ELMO1: variants seen among roughly 807,000 people sequenced by gnomAD.
ELMO1 encodes engulfment and cell motility 1.
Under a neutral mutation model 98.9 loss-of-function variants are expected in ELMO1, and 26 were observed. The observed-to-expected ratio is 0.26, with a 90% CI of 0.19 to 0.36. The LOEUF (loss-of-function observed/expected upper bound fraction) is 0.36, where lower values mean the gene tolerates loss of function less well. ELMO1 is among the 10% of genes least tolerant of loss of function. The pLI, the probability that ELMO1 is intolerant of heterozygous loss-of-function variation, is 1.00. For synonymous variants in ELMO1, 346 were observed against 346.0 expected, an observed-to-expected ratio of 1.00 and a Z score of 0.00; for missense variants, 627 against 935.2, an observed-to-expected ratio of 0.67 and a Z score of 4.30.
intron 16 of ELMO1, among the ~76,000 whole-genome samples, chr7:36,967,938 CCCTT>C: frequency 6.6e-6 from 1 of 152,222 alleles, no homozygotes; most frequent in East Asian, 1.9e-4. Context: ...GTTATTATAA[CCCTT>C]CCATTATGTT....
intron 13 of ELMO1, among the ~76,000 whole-genome samples, chr7:37,173,544 T>C (rs1790312955): frequency 6.6e-6 from 1 of 152,268 alleles, no homozygotes; most frequent in Non-Finnish European, 1.5e-5. Context: ...TAGTCCATGC[T>C]GCTGTTTCTG....
intron 13 of ELMO1, among the ~76,000 whole-genome samples, chr7:37,143,171 C>A (rs1363051899): frequency 1.3e-5 from 2 of 152,190 alleles, no homozygotes; most frequent in African/African-American, 4.8e-5. Context: ...AAAACTCCCA[C>A]CGGGTAGATG....
intron 15 of ELMO1, among the ~76,000 whole-genome samples, chr7:37,070,537 T>A (rs562327058): frequency 6.6e-6 from 1 of 152,202 alleles, no homozygotes; most frequent in Non-Finnish European, 1.5e-5. Context: ...TATTTAAGTA[T>A]CAGTCTGGGA....
At chr7:37,261,233 T>G (rs987376941) in intron 5 of ELMO1, among the ~76,000 whole-genome samples, 9 of 152,204 alleles carry the variant, frequency 5.9e-5, no homozygotes, top group Non-Finnish European at 4.4e-5. Context: ...TATCATAGGC[T>G]TTATTTGACA....
chr7:36,993,746 A>G (rs1792016880), intron 16 of ELMO1, among the ~76,000 whole-genome samples: 1 of 152,268 alleles, frequency 6.6e-6, no homozygotes, highest in South Asian at 2.1e-4. Flanking sequence ...TTGGCCCTGA[A>G]GGGCAATAAC....
chr7:36,954,947 T>A (rs1228395732), intron 16 of ELMO1, among the ~76,000 whole-genome samples: 1 of 152,222 alleles, frequency 6.6e-6, no homozygotes, highest in Non-Finnish European at 1.5e-5. Flanking sequence ...TTGAGAAGCA[T>A]TCAGTGAGCC....
intron 1 of ELMO1, among the ~76,000 whole-genome samples, chr7:37,345,497 G>A (rs1470944706): frequency 6.6e-6 from 1 of 152,010 alleles, no homozygotes. Context: ...ATCACTTGAG[G>A]CCAGGAGTTC....
At chr7:37,130,772 TGTG>T (rs1488005193) in intron 14 of ELMO1, among the ~76,000 whole-genome samples, 1 of 152,114 alleles carries the variant, frequency 6.6e-6, no homozygotes, top group African/African-American at 2.4e-5. Flanking sequence ...TGTGTGTGTG[TGTG>T]TTACAATTTT....
intron 15 of ELMO1, among the ~76,000 whole-genome samples, chr7:37,065,640 T>A (rs1018535830): frequency 6.6e-6 from 1 of 152,172 alleles, no homozygotes; most frequent in African/African-American, 2.4e-5. Context: ...ACTCATCTCA[T>A]AACTTTAGTA....
intron 2 of ELMO1, among the ~76,000 whole-genome samples, chr7:37,333,209 T>C (rs145235701): frequency 5.9e-5 from 9 of 152,368 alleles, no homozygotes; most frequent in South Asian, 4.1e-4. Flanking sequence ...TGTTTGTTCC[T>C]GGGTACCCAG....
At chr7:37,304,982 G>C (rs554061603) in intron 4 of ELMO1, among the ~76,000 whole-genome samples, 26 of 152,258 alleles carry the variant, frequency 1.7e-4, no homozygotes, top group African/African-American at 6.0e-4. Flanking sequence ...AAAAGCGTGT[G>C]GGGGGTAGGG....
At chr7:37,394,882 A>C (rs1489836877) in intron 1 of ELMO1, among the ~76,000 whole-genome samples, 1 of 152,100 alleles carries the variant, frequency 6.6e-6, no homozygotes, top group African/African-American at 2.4e-5. Context: ...ACCCCAGCAA[A>C]TTTTCATTTA....
intron 1 of ELMO1, among the ~76,000 whole-genome samples, chr7:37,401,323 C>T (rs151230393): frequency 0.011 from 1,646 of 152,264 alleles, 37 homozygotes; most frequent in African/African-American, 0.038. Context: ...GGCACCTTGG[C>T]ATTTGAGAAA....
intron 1 of ELMO1, among the ~76,000 whole-genome samples, chr7:37,408,316 T>C (rs1196151776): frequency 6.6e-6 from 1 of 152,200 alleles, no homozygotes; most frequent in Non-Finnish European, 1.5e-5. Flanking sequence ...TACCTGATTG[T>C]GCATCACTGT....
At chr7:37,046,676 T>A (rs1795813970) in intron 15 of ELMO1, among the ~76,000 whole-genome samples, 1 of 152,190 alleles carries the variant, frequency 6.6e-6, no homozygotes, top group African/African-American at 2.4e-5. Flanking sequence ...TAATCTTAAT[T>A]CTCTGAAACT....
At chr7:37,343,891 C>T (rs1800851789) in intron 1 of ELMO1, among the ~76,000 whole-genome samples, 1 of 152,106 alleles carries the variant, frequency 6.6e-6, no homozygotes, top group Non-Finnish European at 1.5e-5. Flanking sequence ...CAGTGTCACC[C>T]ACCTGCCCAA....
chr7:37,297,362 G>A (rs577118395), intron 4 of ELMO1, among the ~76,000 whole-genome samples: 10 of 151,772 alleles, frequency 6.6e-5, no homozygotes, highest in African/African-American at 1.9e-4. Flanking sequence ...TTCCAATTCC[G>A]GCATTCAGAA....
chr7:37,101,286 C>T (rs143042757), intron 14 of ELMO1, among the ~76,000 whole-genome samples: 88 of 152,196 alleles, frequency 5.8e-4, no homozygotes, highest in African/African-American at 2.0e-3. Flanking sequence ...AGGGCTCTCC[C>T]GCAGGAATGC....
intron 15 of ELMO1, among the ~76,000 whole-genome samples, chr7:37,070,623 G>A (rs1200132699): frequency 6.6e-6 from 1 of 152,178 alleles, no homozygotes; most frequent in African/African-American, 2.4e-5. Flanking sequence ...GTGGTCCCAC[G>A]TGTCTTGAGC....
Sources: allele counts gnomAD v4.1 joint callset (sites outside exome capture counted in the v4.1 genomes callset), GRCh38; gene constraint gnomAD v4.1.1; transcripts MANE v1.5; gene names NCBI Gene and HGNC (gene_info 2026-07-23, HGNC 2026-07-21).